AMPH: variants seen among roughly 807,000 people sequenced by gnomAD.
AMPH encodes the protein amphiphysin.
In AMPH, 49 loss-of-function variants were observed where a neutral mutation model predicts 99.1. The observed-to-expected ratio is 0.49, with a 90% CI of 0.39 to 0.63. The LOEUF (loss-of-function observed/expected upper bound fraction) is 0.63, where lower values mean the gene tolerates loss of function less well. Among genes scored for constraint, AMPH ranks in the 20% least tolerant of loss-of-function variants. The probability of loss-of-function intolerance (pLI) is 0.00; values close to 1 mark genes in which losing one functional copy is unlikely to be tolerated. For synonymous variants in AMPH, 314 were observed against 317.3 expected, an observed-to-expected ratio of 0.99 and a Z score of 0.11; for missense variants, 759 against 863.4, an observed-to-expected ratio of 0.88 and a Z score of 1.52.
At chr7:38,394,798 G>T (rs1422194212) in intron 17 of AMPH, among the ~76,000 whole-genome samples, 1 of 152,232 alleles carries the variant, frequency 6.6e-6, no homozygotes, top group Non-Finnish European at 1.5e-5. Flanking sequence ...CATGTAAAAT[G>T]TAGATTCACT....
At chr7:38,578,333 A>G (rs1792321457) in intron 1 of AMPH, among the ~76,000 whole-genome samples, 1 of 152,372 alleles carries the variant, frequency 6.6e-6, no homozygotes, top group East Asian at 1.9e-4. Flanking sequence ...GATTTAGTAA[A>G]TAAAAATACA....
Position 38,391,842 on chromosome 7 carries a change from T to C in AMPH, c.1784A>G (p.Gln595Arg), listed in dbSNP as rs138437054. The change falls in exon 19 of 21, where the codon CAG (glutamine) becomes CGG (arginine). Residue 595 changes from glutamine to arginine, a missense_variant. This residue lies in a region of AMPH where 554 missense variants were observed against 575.6 expected (regional missense o/e 0.96). Coordinates refer to ENST00000356264, the MANE Select transcript of AMPH (RefSeq NM_001635.4). ...ATEQKPIQDP[Q>R]PTPSAPAMGA... is the part of the protein sequence containing the mutation. ...CATGGCTGGTGCAGAAGGCGTGGGC[T>C]GAGGGTCCTGGATAGGCTTCTGCTC... 3.7e-5 allele frequency: 59 copies of C among 1,613,180 alleles called. No individual in the cohort carries two copies. The highest frequency in any genetic ancestry group is 4.7e-5 in the Non-Finnish European group (56 of 1,179,846).
rs1584020150 is a variant in AMPH at position 38,384,617 on chromosome 7, A to T, written c.*201T>A. On this transcript the variant is annotated 3_prime_UTR_variant, in exon 21 of 21. Transcript: ENST00000356264. ...CAAACCTGTTATTGACAACATGGGA[A>T]TGAGTGAGGATTTTTTCCTTAATTT... 1.0e-5 allele frequency: 5 copies of T among 498,844 alleles called. No homozygotes were observed. The East Asian group carries it at 1.6e-4, about 16-fold the overall frequency. The allele number at this position is 498,844 out of a possible 1,614,324, so 30.9% of individuals were successfully genotyped here.
intron 1 of AMPH, among the ~76,000 whole-genome samples, chr7:38,626,547 A>G (rs1317667756): frequency 6.6e-6 from 1 of 152,246 alleles, no homozygotes; most frequent in African/African-American, 2.4e-5. Flanking sequence ...AATTAACTCA[A>G]GATGGATCAA....
chr7:38,427,926 T>G, intron 14 of AMPH: 1 of 456,724 alleles, frequency 2.2e-6, no homozygotes, highest in Non-Finnish European at 4.4e-6. Flanking sequence ...GTTGTTGATG[T>G]CCTGGTCTCG....
chr7:38,462,681 GAA>G (rs1787494428), intron 10 of AMPH, among the ~76,000 whole-genome samples: 1 of 152,194 alleles, frequency 6.6e-6, no homozygotes, highest in Non-Finnish European at 1.5e-5. Flanking sequence ...AGCATTGAAA[GAA>G]AAGAGTTTTG....
chr7:38,449,907 A>C (rs555193719), intron 11 of AMPH, among the ~76,000 whole-genome samples: 1 of 152,224 alleles, frequency 6.6e-6, no homozygotes, highest in Non-Finnish European at 1.5e-5. Flanking sequence ...CTGGCCTCTC[A>C]GGATTACATG....
intron 2 of AMPH, among the ~76,000 whole-genome samples, chr7:38,529,661 T>A (rs73122291): frequency 0.035 from 5,322 of 152,348 alleles, 133 homozygotes; most frequent in Non-Finnish European, 0.053. Flanking sequence ...TACTGCCATT[T>A]AGAATTGGAT....
chr7:38,434,847 T>A (rs1437096397), intron 12 of AMPH, among the ~76,000 whole-genome samples: 1 of 152,190 alleles, frequency 6.6e-6, no homozygotes, highest in Non-Finnish European at 1.5e-5. Flanking sequence ...TATATTCAAT[T>A]ATATGTACAT....
At chr7:38,600,472 T>G (rs937467556) in intron 1 of AMPH, among the ~76,000 whole-genome samples, 65 of 152,294 alleles carry the variant, frequency 4.3e-4, no homozygotes, top group African/African-American at 1.5e-3. Flanking sequence ...TATTAATATT[T>G]TTACCATAAA....
intron 1 of AMPH, among the ~76,000 whole-genome samples, chr7:38,596,592 T>A (rs765775050): frequency 2.3e-4 from 35 of 152,194 alleles, no homozygotes; most frequent in Non-Finnish European, 4.3e-4. Flanking sequence ...TATAATTTCA[T>A]GTTTGCCTGA....
At chr7:38,521,095 C>G (rs890615482) in intron 2 of AMPH, among the ~76,000 whole-genome samples, 2 of 142,234 alleles carry the variant, frequency 1.4e-5, no homozygotes, top group Non-Finnish European at 3.1e-5. Flanking sequence ...ACTCTAGGTA[C>G]AAATAATTTG....
At chr7:38,439,017 G>A (rs568963752) in intron 11 of AMPH, among the ~76,000 whole-genome samples, 16 of 152,292 alleles carry the variant, frequency 1.1e-4, no homozygotes, top group Admixed American at 6.5e-4. Context: ...TGGATCATGG[G>A]GGTAGTTTCC....
chr7:38,610,884 A>T (rs1793660140), intron 1 of AMPH, among the ~76,000 whole-genome samples: 1 of 152,144 alleles, frequency 6.6e-6, no homozygotes, highest in Non-Finnish European at 1.5e-5. Context: ...GAGAGAATAG[A>T]AAGGAAGAAA....
At chr7:38,428,319 C>T (rs1033985986) in intron 14 of AMPH, 3 of 456,654 alleles carry the variant, frequency 6.6e-6, no homozygotes, top group African/African-American at 2.0e-5. Flanking sequence ...AACAGTATGA[C>T]TACGGTTCTC....
intron 7 of AMPH, among the ~76,000 whole-genome samples, chr7:38,467,070 T>G (rs1040805292): frequency 1.3e-5 from 2 of 152,190 alleles, no homozygotes; most frequent in African/African-American, 4.8e-5. Context: ...CAAATACACA[T>G]GCATATAGAC....
At chr7:38,428,178 C>T (rs1445430634) in intron 14 of AMPH, 1 of 456,744 alleles carries the variant, frequency 2.2e-6, no homozygotes, top group Admixed American at 2.3e-5. Context: ...GGCAAATCCA[C>T]TTGCTTGGCC....
At chr7:38,624,382 T>G (rs926578435) in intron 1 of AMPH, among the ~76,000 whole-genome samples, 19 of 149,794 alleles carry the variant, frequency 1.3e-4, no homozygotes, top group African/African-American at 2.5e-4. Context: ...ATTATTATTA[T>G]TAGTATTAGT....
intron 11 of AMPH, 63 bp downstream of exon 11, chr7:38,461,220 C>A (rs1787427760): frequency 3.1e-6 from 5 of 1,593,336 alleles, no homozygotes. Flanking sequence ...TTAGGGCTAG[C>A]CCCTGAGAGT....
Sources: allele counts gnomAD v4.1 joint callset (sites outside exome capture counted in the v4.1 genomes callset), GRCh38; gene constraint gnomAD v4.1.1; regional missense constraint gnomAD v4.1.1; transcripts MANE v1.5; gene names NCBI Gene and HGNC (gene_info 2026-07-23, HGNC 2026-07-21).